The following TSC2 variants were observed in gnomAD, a reference collection of about 807,000 sequenced individuals.
The protein encoded by TSC2 is tuberin.
In TSC2, 29 loss-of-function variants were observed where a neutral mutation model predicts 202.2. That is an observed-to-expected ratio of 0.14 (90% CI 0.11 to 0.20). The LOEUF (loss-of-function observed/expected upper bound fraction) is 0.20, where lower values mean the gene tolerates loss of function less well. Ranked by LOEUF, TSC2 falls within the 10% of genes least tolerant of loss-of-function variation. TSC2 has a pLI of 1.00. For synonymous variants in TSC2, 1,349 were observed against 1,044.0 expected (o/e 1.29, Z -5.63); for missense variants, 2,429 against 2,420.0 (o/e 1.00, Z -0.08).
At position 2,075,881 on chromosome 16, in the gene TSC2, C is replaced by A. The variant is rs778678783; in HGVS notation, c.2628C>A (p.Thr876=). Residue 876 remains threonine, a synonymous_variant, in exon 23 of 42, where the codon ACC becomes ACA. Coordinates refer to ENST00000219476, the MANE Select transcript of TSC2 (RefSeq NM_000548.5). ...ASVFAISLPY[T]NPSKFNQYIV... is the part of the protein sequence containing the mutation. ...TGTTCGCCATCTCCCTGCCGTACAC[C>A]AACCCCTCCAAGTGAGTGGTCGCCC... The A allele has an allele frequency of 6.2e-7, 1 of 1,613,168 alleles. No individual in the cohort carries two copies.
In TSC2 at chr16:2,081,775, C is replaced by T. The variant is rs762822990; in HGVS notation, c.3791C>T (p.Pro1264Leu). ...CCGGCAGCCAGCACGGCCAAACCCCCTCCTCTGCCTCGCTCCAACACAGGT... is the reference window on the plus strand; with the variant it reads ...CCGGCAGCCAGCACGGCCAAACCCCTTCCTCTGCCTCGCTCCAACACAGGT... Reference protein sequence around the residue: ...SVPAASTAKPPPLPRSNTVAS... With the variant: ...SVPAASTAKPLPLPRSNTVAS... Residue 1264 changes from proline to leucine, a missense_variant, in exon 31 of 42, where the codon CCT becomes CTT. By Grantham distance (98) the Pro-to-Leu change is moderately conservative (BLOSUM62 -3). Transcript: ENST00000219476. 6.2e-7 allele frequency: 1 copy of T among 1,612,558 alleles called. No individual in the cohort carries two copies. Among genetic ancestry groups the T allele is most frequent in the Non-Finnish European group, 8.5e-7 (1 of 1,179,988 alleles).
rs998364127 is a variant in TSC2 at position 2,070,682 on chromosome 16, G to A, written c.1839+104G>A. Reference sequence around the variant, plus strand: ...AGCTGCAGAGACGGCCCCAGGATGGGGCCTCAGCTGACCGTCCCTCCTCTG... The same window carrying A: ...AGCTGCAGAGACGGCCCCAGGATGGAGCCTCAGCTGACCGTCCCTCCTCTG... On this transcript the variant is annotated intron_variant, in intron 17 of 41. Transcript: ENST00000219476. 4.5e-6 allele frequency: 7 copies of A among 1,560,058 alleles called. No homozygotes were observed. In the African/African-American group the frequency reaches 9.5e-5, roughly 21 times the overall value.
At position 2,062,597 on chromosome 16, in the gene TSC2, T is replaced by A; in HGVS notation, c.1358T>A (p.Phe453Tyr). The change falls in exon 13 of 42, where the codon TTC becomes TAC. Residue 453 changes from phenylalanine to tyrosine, a missense_variant. Transcript: ENST00000219476. ...CTGCAGGCGCTGATGGAGAGATTCT[T>A]CAGGTAGGGGGTCCTCTGTAGCCTT... is the stretch of plus-strand genomic sequence containing the variant. ...QNLQALMERF[F>Y]RSESRGAVRI... The A allele has an allele frequency of 6.2e-7, 1 of 1,606,500 alleles. No individual in the cohort carries two copies. The highest frequency in any genetic ancestry group is 8.5e-7 in the Non-Finnish European group (1 of 1,176,252).
intron 2 of TSC2, among the ~76,000 whole-genome samples, chr16:2,049,779 G>A (rs1416089954): frequency 2.6e-5 from 4 of 151,498 alleles, no homozygotes; most frequent in Admixed American, 1.3e-4. Context: ...AGCCGTGATC[G>A]CGCCACTGCA....
At chr16:2,054,210 CGG>C in intron 4 of TSC2, 84 bp from the exon 5 acceptor site, 1 of 1,605,742 alleles carries the variant, frequency 6.2e-7, no homozygotes, top group South Asian at 1.1e-5. Flanking sequence ...GGCTGGAGTC[CGG>C]GTGCCCCTGC....
chr16:2,081,560 C>CT, intron 30 of TSC2, 35 bp from the exon 31 acceptor site: 1 of 1,612,316 alleles, frequency 6.2e-7, no homozygotes, highest in Non-Finnish European at 8.5e-7. Context: ...AGGGGAGGTA[C>CT]TGGCCTCAGG....
At position 2,061,853 on chromosome 16, in the gene TSC2, T is replaced by C. The variant is rs1405988915; in HGVS notation, c.1120-18T>C. 1 of 1,614,002 alleles carries C rather than the reference T, an allele frequency of 6.2e-7. No individual in the cohort carries two copies. Among genetic ancestry groups the C allele is most frequent in the East Asian group, 2.2e-5 (1 of 44,870 alleles). On this transcript the variant is annotated intron_variant, in intron 11 of 41. Transcript: ENST00000219476. Reference sequence around the variant, plus strand: ...GGGGAGTGGAAGTCAGCCTGTGTCATCGTGCCTGGTACTGCAGACCTTGGA... The same window carrying C: ...GGGGAGTGGAAGTCAGCCTGTGTCACCGTGCCTGGTACTGCAGACCTTGGA...
At chr16:2,082,661 CTT>C in intron 32 of TSC2, 157 bp downstream of exon 32, 1 of 838,138 alleles carries the variant, frequency 1.2e-6, no homozygotes, top group Admixed American at 2.0e-5. Context: ...TGCAGAATGT[CTT>C]TGGCTTGGCC....
Position 2,053,371 on chromosome 16 carries a change from C to A in TSC2, c.255C>A (p.Val85=). 1.9e-6 allele frequency: 3 copies of A among 1,590,176 alleles called. No individual in the cohort carries two copies. The South Asian group carries it at 3.4e-5, about 18-fold the overall frequency. ...EHAVEALWKA[V]ADLLQPERPL... is the part of the protein sequence containing the mutation. ...CAGTGGAAGCACTCTGGAAGGCGGT[C>A]GCGGATCTGTTGCAGCCGGAGCGGC... Residue 85 remains valine (V), a synonymous_variant, in exon 4 of 42, where the codon GTC becomes GTA. Coordinates refer to ENST00000219476, the MANE Select transcript of TSC2 (RefSeq NM_000548.5).
At chr16:2,063,131 C>A (rs2086849807) in intron 14 of TSC2, 78 bp downstream of exon 14, 2 of 1,504,620 alleles carry the variant, frequency 1.3e-6, no homozygotes, top group Non-Finnish European at 1.8e-6. Flanking sequence ...TGCACGTGCT[C>A]CCGCAGAGCC....
rs34379884 is a variant in TSC2 at position 2,088,737 on chromosome 16, T to C, written c.*127T>C. On this transcript the variant is annotated 3_prime_UTR_variant, in exon 42 of 42. Coordinates refer to ENST00000219476, the MANE Select transcript of TSC2 (RefSeq NM_000548.5). ...AGTCAGACAGCTCTTTTATTGACTT[T>C]GTCTGCTTGGTGCGGGGGTTGGGGG... 0.022 allele frequency: 29,364 copies of C among 1,321,668 alleles called. 424 individuals carry two copies. Among genetic ancestry groups the C allele is most frequent in the Middle Eastern group, 0.032 (149 of 4,618 alleles). The allele number at this position is 1,321,668 out of a possible 1,614,324, so 81.9% of individuals were successfully genotyped here.
At chr16:2,065,742 C>A (rs2087263267) in intron 16 of TSC2, 107 bp downstream of exon 16, 1 of 1,028,606 alleles carries the variant, frequency 9.7e-7, no homozygotes, top group Admixed American at 1.7e-5. Flanking sequence ...CCCACACCCT[C>A]CCTGGATTTG....
intron 14 of TSC2, chr16:2,063,782 T>G: frequency 3.9e-6 from 1 of 256,422 alleles, no homozygotes; most frequent in Non-Finnish European, 7.7e-6. Flanking sequence ...GCTGGTCTTG[T>G]CCTGGTCTCT....
chr16:2,083,035 C>A, intron 32 of TSC2: 1 of 446,516 alleles, frequency 2.2e-6, no homozygotes, highest in Non-Finnish European at 4.5e-6. Context: ...TCTCCACGTG[C>A]AGACGAGCTG....
chr16:2,080,193 G>A lies in TSC2; in HGVS notation c.3426G>A (p.Leu1142=). ...GCCATGGTCTTCGAGTTGGCGCCCT[G>A]GACGTGCCGGCCTCCCAGTTCCTGG... ...SGGHGLRVGA[L]DVPASQFLGS... The change falls in exon 30 of 42, where the codon CTG becomes CTA. Residue 1142 remains leucine, a synonymous_variant. Transcript: ENST00000219476. The A allele has an allele frequency of 6.2e-7, 1 of 1,612,964 alleles. No individual in the cohort carries two copies. The highest frequency in any genetic ancestry group is 8.5e-7 in the Non-Finnish European group (1 of 1,180,000).
At chr16:2,083,060 C>G (rs560203289) in intron 32 of TSC2, 1 of 453,280 alleles carries the variant, frequency 2.2e-6, no homozygotes, top group South Asian at 1.6e-5. Flanking sequence ...GGAAGGGCTG[C>G]GTGGGACGGG....
In TSC2 at chr16:2,089,449, CTGA is replaced by C. The variant is rs1207464260; in HGVS notation, c.*840_*842del. 1.9e-6 allele frequency: 1 copy of C among 527,218 alleles called. No homozygotes were observed. Among genetic ancestry groups the C allele is most frequent in the East Asian group, 3.2e-5 (1 of 30,986 alleles). The allele number at this position is 527,218 out of a possible 1,614,324, so 32.7% of individuals were successfully genotyped here. On this transcript the variant is annotated 3_prime_UTR_variant, in exon 42 of 42. Transcript: ENST00000219476. ...TGGGGCCGGGCACAGCCCGCTGTAC[CTGA>C]GGACTCGGGGAAATAAATTAGCATC...
intron 38 of TSC2, chr16:2,087,080 C>T (rs1000757980): frequency 4.2e-6 from 3 of 714,442 alleles, no homozygotes; most frequent in Non-Finnish European, 6.9e-6. Flanking sequence ...TGCTGAGTGT[C>T]TGTCAGGAGT....
chr16:2,059,328 TTCTC>T (rs1015379802), intron 10 of TSC2, among the ~76,000 whole-genome samples: 398 of 150,602 alleles, frequency 2.6e-3, no homozygotes, highest in African/African-American at 9.2e-3. Flanking sequence ...AAAGGCTTTT[TTCTC>T]TCTCTCTTTT....
Sources: gnomAD v4.1 joint callset for allele counts (sites outside exome capture counted in the v4.1 genomes callset) on GRCh38, gnomAD v4.1.1 for gene constraint, MANE v1.5 for transcripts, NCBI Gene and HGNC (gene_info 2026-07-23, HGNC 2026-07-21) for gene names.